The following PNLIPRP3 variants were observed in gnomAD, a reference collection of about 807,000 sequenced individuals.
PNLIPRP3 encodes the protein pancreatic lipase-related protein 3.
In PNLIPRP3, 58 loss-of-function variants were observed where a neutral mutation model predicts 52.8. That is an observed-to-expected ratio of 1.10 (90% CI 0.89 to 1.37). The LOEUF (loss-of-function observed/expected upper bound fraction) is 1.37, where lower values mean the gene tolerates loss of function less well. Ranked by LOEUF, PNLIPRP3 falls within the 40% of genes most tolerant of loss-of-function variation. The pLI is 0.00. For synonymous variants in PNLIPRP3, 192 were observed against 185.0 expected (o/e 1.04, Z -0.31); for missense variants, 593 against 561.6 (o/e 1.06, Z -0.57).
chr10:116,453,973 C>T (rs1343511179), intron 4 of PNLIPRP3, among the ~76,000 whole-genome samples: 1 of 151,872 alleles, frequency 6.6e-6, no homozygotes, highest in East Asian at 1.9e-4. Flanking sequence ...ATGTGTTGTT[C>T]CCTCCCTGTG....
intron 1 of PNLIPRP3, among the ~76,000 whole-genome samples, chr10:116,429,156 AC>A (rs1264785792): frequency 6.6e-6 from 1 of 152,168 alleles, no homozygotes; most frequent in African/African-American, 2.4e-5. Context: ...AGAATATTTC[AC>A]ATACAAATAC....
At chr10:116,431,088 A>G (rs1457139792) in intron 1 of PNLIPRP3, among the ~76,000 whole-genome samples, 1 of 152,140 alleles carries the variant, frequency 6.6e-6, no homozygotes, top group East Asian at 1.9e-4. Flanking sequence ...GTCATACCTC[A>G]CTGCCAATCA....
chr10:116,467,196 G>A (rs1846293619), intron 8 of PNLIPRP3, among the ~76,000 whole-genome samples: 1 of 152,132 alleles, frequency 6.6e-6, no homozygotes, highest in Non-Finnish European at 1.5e-5. Context: ...CAATTTCCTT[G>A]ACGTACTTTA....
intron 2 of PNLIPRP3, among the ~76,000 whole-genome samples, chr10:116,437,809 C>A (rs1845798215): frequency 2.6e-5 from 4 of 152,136 alleles, no homozygotes; most frequent in African/African-American, 9.7e-5. Flanking sequence ...AATTCATCAG[C>A]CACACCAGCC....
chr10:116,432,896 C>T lies in PNLIPRP3; in HGVS notation c.50-3815C>T, dbSNP rs183258783. ...TTGGGAGGTCGAGGCGGGCGGATCA[C>T]GAGGTCAGGAGATCCAGACTAGCTT... On this transcript the variant is annotated intron_variant, in intron 1 of 11. Coordinates refer to ENST00000369230, the MANE Select transcript of PNLIPRP3 (RefSeq NM_001011709.3). Among the ~76,000 whole-genome samples the T allele has an allele frequency of 1.4e-4, 21 of 151,752 alleles. No individual in the cohort carries two copies. The East Asian group carries it at 4.1e-3, about 30-fold the overall frequency.
At chr10:116,469,823 C>T (rs899155537) in intron 9 of PNLIPRP3, among the ~76,000 whole-genome samples, 1 of 152,068 alleles carries the variant, frequency 6.6e-6, no homozygotes. Flanking sequence ...TGGGCTTTGT[C>T]TGTGGGTGAA....
chr10:116,446,137 G>C (rs1374731593), intron 4 of PNLIPRP3, among the ~76,000 whole-genome samples: 1 of 152,066 alleles, frequency 6.6e-6, no homozygotes, highest in Non-Finnish European at 1.5e-5. Context: ...ACAAGGTCAG[G>C]AGATCGAGAC....
In PNLIPRP3 at chr10:116,461,297, A is replaced by G; in HGVS notation, c.808+7A>G. ...TTCAATGCTTACAAAAAAGGTAAAT[A>G]CTTTCTAAACTATGAATGCTACTGA... On this transcript the variant is annotated splice_region_variant and intron_variant, in intron 7 of 11. Coordinates refer to ENST00000369230, the MANE Select transcript of PNLIPRP3 (RefSeq NM_001011709.3). 1 of 1,610,124 alleles carries G rather than the reference A, an allele frequency of 6.2e-7. No individual in the cohort carries two copies. Among genetic ancestry groups the G allele is most frequent in the Non-Finnish European group, 8.5e-7 (1 of 1,176,554 alleles).
intron 2 of PNLIPRP3, 104 bp downstream of exon 2, chr10:116,436,969 T>C: frequency 8.7e-7 from 1 of 1,151,406 alleles, no homozygotes; most frequent in Non-Finnish European, 1.2e-6. Flanking sequence ...CATATGCTAT[T>C]GACTTAAATG....
At chr10:116,459,294 A>C (rs940154640) in intron 5 of PNLIPRP3, among the ~76,000 whole-genome samples, 33 of 151,950 alleles carry the variant, frequency 2.2e-4, no homozygotes, top group South Asian at 4.2e-4. Context: ...AAAAAAAAAA[A>C]AACACATCCT....
rs192418668 is a variant in PNLIPRP3, at chr10:116,471,360, C to A, written c.1061-408C>A. 2.0e-5 allele frequency among the ~76,000 whole-genome samples: 3 copies of A among 152,052 alleles called. No homozygotes were observed. In the South Asian group the frequency reaches 6.2e-4, roughly 32 times the overall value. On this transcript the variant is annotated intron_variant, in intron 9 of 11. Coordinates refer to ENST00000369230, the MANE Select transcript of PNLIPRP3 (RefSeq NM_001011709.3). ...ATACATCTTCTTGCCCAATTGGTTT[C>A]CTAGATTTTTCTGGATTAATTGTCA...
At chr10:116,469,560 A>G (rs1738343421) in intron 9 of PNLIPRP3, among the ~76,000 whole-genome samples, 1 of 152,238 alleles carries the variant, frequency 6.6e-6, no homozygotes, top group Admixed American at 6.5e-5. Flanking sequence ...TGTGCAGAGC[A>G]TAAAGGTCAG....
At position 116,459,642 on chromosome 10, in the gene PNLIPRP3, A is replaced by G. The variant is rs960388160; in HGVS notation, c.566-1324A>G. Among the ~76,000 whole-genome samples, 3 of 152,146 alleles carry G rather than the reference A, an allele frequency of 2.0e-5. 1 individual carries two copies. Among genetic ancestry groups the G allele is most frequent in the Non-Finnish European group, 4.4e-5 (3 of 68,030 alleles). On this transcript the variant is annotated intron_variant, in intron 5 of 11. Coordinates refer to ENST00000369230, the MANE Select transcript of PNLIPRP3 (RefSeq NM_001011709.3). ...ACACACCAGCCTTAGCAAACTAGTTACAGTTTCCCAAACACGATGCTTTCA... is the reference window on the plus strand; with the variant it reads ...ACACACCAGCCTTAGCAAACTAGTTGCAGTTTCCCAAACACGATGCTTTCA...
rs572033370 is a variant in PNLIPRP3 at position 116,443,865 on chromosome 10, A to G, written c.325-517A>G. Among the ~76,000 whole-genome samples, 6 of 144,994 alleles carry G rather than the reference A, an allele frequency of 4.1e-5. No homozygotes were observed. The South Asian group carries it at 1.1e-3, about 27-fold the overall frequency. ...TATATGGGTTAGGACATACGTATAT[A>G]TATGGGTTAGGACAGAGCTTAGCCT... On this transcript the variant is annotated intron_variant, in intron 3 of 11. Coordinates refer to ENST00000369230, the MANE Select transcript of PNLIPRP3 (RefSeq NM_001011709.3).
intron 10 of PNLIPRP3, among the ~76,000 whole-genome samples, chr10:116,474,424 G>A (rs1846424995): frequency 6.6e-6 from 1 of 152,154 alleles, no homozygotes; most frequent in Admixed American, 6.6e-5. Context: ...AAAAGCAATT[G>A]CAACGAAAGC....
chr10:116,475,404 G>A (rs141714308), intron 10 of PNLIPRP3, among the ~76,000 whole-genome samples: 44 of 152,210 alleles, frequency 2.9e-4, no homozygotes, highest in Non-Finnish European at 5.9e-4. Context: ...ACCTGCACAT[G>A]TACCCCTGAC....
Position 116,477,330 on chromosome 10 carries a change from AC to A in PNLIPRP3, c.*179del. ...CTGTGTAGAATGTTCATCTAACTGC[AC>A]CTTAAAAACACACTGAACCCTGGGA... On this transcript the variant is annotated 3_prime_UTR_variant, in exon 12 of 12. Transcript: ENST00000369230. 2.2e-6 allele frequency: 1 copy of A among 459,654 alleles called. No individual in the cohort carries two copies. The highest frequency in any genetic ancestry group is 3.9e-5 in the South Asian group (1 of 25,702). The allele number at this position is 459,654 out of a possible 1,614,324, so 28.5% of individuals were successfully genotyped here.
At position 116,471,775 on chromosome 10, in the gene PNLIPRP3, G is replaced by A. The variant is rs1430697139; in HGVS notation, c.1068G>A (p.Arg356=). 5 of 1,605,142 alleles carry A rather than the reference G, an allele frequency of 3.1e-6. No homozygotes were observed. Among genetic ancestry groups the A allele is most frequent in the East Asian group, 4.5e-5 (2 of 44,784 alleles). ...TTGTTTCCTTATATCTAGGTTGGAG[G>A]CACAAATTGTCTGTTAAACTCAGTG... ...TGSLSPFARW[R]HKLSVKLSGS... is the part of the protein sequence containing the mutation. Residue 356 remains arginine (R), a synonymous_variant, in exon 10 of 12, where the codon AGG becomes AGA. Coordinates refer to ENST00000369230, the MANE Select transcript of PNLIPRP3 (RefSeq NM_001011709.3).
At chr10:116,468,322 A>G (rs1846313424) in intron 8 of PNLIPRP3, among the ~76,000 whole-genome samples, 1 of 152,128 alleles carries the variant, frequency 6.6e-6, no homozygotes, top group Non-Finnish European at 1.5e-5. Flanking sequence ...AAGAAAAATA[A>G]AAATGAAGGC....
Sources: allele counts gnomAD v4.1 joint callset (sites outside exome capture counted in the v4.1 genomes callset), GRCh38; gene constraint gnomAD v4.1.1; transcripts MANE v1.5; gene names NCBI Gene and HGNC (gene_info 2026-07-23, HGNC 2026-07-21).